Variants in BAD observed in about 807,000 individuals in gnomAD.
BAD encodes BCL2 associated agonist of cell death.
In BAD, 18 loss-of-function variants were observed where a neutral mutation model predicts 17.8. The ratio of observed to expected loss-of-function variants is 1.01; its 90% CI spans 0.70 to 1.50. BAD has a LOEUF of 1.50. Among genes scored for constraint, BAD ranks in the 40% most tolerant of loss-of-function variants. The probability of loss-of-function intolerance (pLI) is 0.00; values close to 1 mark genes in which losing one functional copy is unlikely to be tolerated. For synonymous variants in BAD, 112 were observed against 91.5 expected (o/e 1.22, Z -1.28); for missense variants, 294 against 239.3 (o/e 1.23, Z -1.51).
At chr11:64,275,257 G>A (rs979716829) in intron 2 of BAD, among the ~76,000 whole-genome samples, 6 of 152,016 alleles carry the variant, frequency 3.9e-5, no homozygotes, top group Non-Finnish European at 5.9e-5. Flanking sequence ...ACCTTGGGAG[G>A]CTGAAGGATT....
In BAD at chr11:64,284,172, G is replaced by A; in HGVS notation, c.187+10C>T. On this transcript the variant is annotated intron_variant, in intron 2 of 3. Transcript: ENST00000309032. ...GGTGTCCCGGCAGGTGGAGGTGGTG[G>A]GGTACTTACCTCCATGATGGCTGCT... 3 of 1,570,828 alleles carry A rather than the reference G, an allele frequency of 1.9e-6. No individual in the cohort carries two copies. The highest frequency in any genetic ancestry group is 2.6e-6 in the Non-Finnish European group (3 of 1,157,924).
chr11:64,277,186 T>G, intron 2 of BAD: 2 of 579,592 alleles, frequency 3.5e-6, no homozygotes, highest in East Asian at 3.0e-5. Flanking sequence ...GTTTGGATCC[T>G]GCCCCTACCA....
In BAD at chr11:64,270,216, G is replaced by A; in HGVS notation, c.500C>T (p.Ser167Phe). The change falls in exon 4 of 4, where the codon TCC (serine) becomes TTC (phenylalanine). Residue 167 changes from serine (S) to phenylalanine (F), a missense_variant. Physicochemically the swap from Ser to Phe is radical, Grantham distance 155 (BLOSUM62 -2). Transcript: ENST00000309032. ...CGGGATGTGGAGCGAAGGTCACTGG[G>A]AGGGGGCGGAGCTTCCCCTGCCCAA... is the stretch of plus-strand genomic sequence containing the variant. Reference protein sequence around the residue: ...RNLGRGSSAPSQ With the variant: ...RNLGRGSSAPFQ 1 of 1,613,584 alleles carries A rather than the reference G, an allele frequency of 6.2e-7. No homozygotes were observed. Among genetic ancestry groups the A allele is most frequent in the Non-Finnish European group, 8.5e-7 (1 of 1,179,666 alleles).
At chr11:64,270,507 G>A (rs1470634333) in intron 3 of BAD, 170 bp from the exon 4 acceptor site, 1 of 880,778 alleles carries the variant, frequency 1.1e-6, no homozygotes, top group Non-Finnish European at 1.7e-6. Context: ...AGGACGCATG[G>A]GCCCCCAGGA....
rs762709817 is a variant in BAD at position 64,270,218 on chromosome 11, G to T, written c.498C>A (p.Pro166=). Residue 166 remains proline, a synonymous_variant, in exon 4 of 4, where the codon CCC becomes CCA. Transcript: ENST00000309032. ...GGATGTGGAGCGAAGGTCACTGGGA[G>T]GGGGCGGAGCTTCCCCTGCCCAAGT... is the stretch of plus-strand genomic sequence containing the variant. ...DRNLGRGSSA[P]SQ 1 of 1,613,560 alleles carries T rather than the reference G, an allele frequency of 6.2e-7. No individual in the cohort carries two copies. Among genetic ancestry groups the T allele is most frequent in the South Asian group, 1.1e-5 (1 of 91,006 alleles).
At chr11:64,282,911 AAAAT>A (rs1186244125) in intron 2 of BAD, among the ~76,000 whole-genome samples, 1 of 151,910 alleles carries the variant, frequency 6.6e-6, no homozygotes, top group Non-Finnish European at 1.5e-5. Flanking sequence ...GAAAAAGTAA[AAAAT>A]AAATTAACTG....
At chr11:64,276,653 T>C in intron 2 of BAD, 1 of 459,158 alleles carries the variant, frequency 2.2e-6, no homozygotes, top group Non-Finnish European at 3.9e-6. Flanking sequence ...AAAAGTGTTC[T>C]ATTTACAGGG....
intron 2 of BAD, chr11:64,276,680 T>G: frequency 5.8e-6 from 3 of 517,660 alleles, no homozygotes; most frequent in African/African-American, 2.0e-5. Context: ...CCTGGGGGAG[T>G]GTCTGTGAAT....
chr11:64,270,194 G>A lies in BAD; in HGVS notation c.*15C>T. 3.7e-6 allele frequency: 6 copies of A among 1,613,978 alleles called. No individual in the cohort carries two copies. Among genetic ancestry groups the A allele is most frequent in the Non-Finnish European group, 5.1e-6 (6 of 1,179,962 alleles). ...GCAGTGGGAACGGGTGGAGTTTCGG[G>A]ATGTGGAGCGAAGGTCACTGGGAGG... On this transcript the variant is annotated 3_prime_UTR_variant, in exon 4 of 4. Transcript: ENST00000309032.
chr11:64,277,267 C>T (rs1438067017), intron 2 of BAD, among the ~76,000 whole-genome samples: 1 of 152,178 alleles, frequency 6.6e-6, no homozygotes, highest in African/African-American at 2.4e-5. Context: ...CCAGTGCTGC[C>T]ACCCCACCCT....
At chr11:64,279,538 G>A (rs371692328) in intron 2 of BAD, among the ~76,000 whole-genome samples, 2 of 151,984 alleles carry the variant, frequency 1.3e-5, no homozygotes, top group African/African-American at 4.8e-5. Flanking sequence ...AGGCTGAGGC[G>A]GGTGGATCAC....
In BAD at chr11:64,270,182, G is replaced by T. The variant is rs1397577940; in HGVS notation, c.*27C>A. 1.9e-6 allele frequency: 3 copies of T among 1,614,002 alleles called. No homozygotes were observed. Among genetic ancestry groups the T allele is most frequent in the Non-Finnish European group, 1.7e-6 (2 of 1,179,966 alleles). On this transcript the variant is annotated 3_prime_UTR_variant, in exon 4 of 4. Coordinates refer to ENST00000309032, the MANE Select transcript of BAD (RefSeq NM_032989.3). ...TGGCTGCCCAGGGCAGTGGGAACGG[G>T]TGGAGTTTCGGGATGTGGAGCGAAG...
At chr11:64,273,944 T>C (rs2032843345) in intron 2 of BAD, among the ~76,000 whole-genome samples, 1 of 150,504 alleles carries the variant, frequency 6.6e-6, no homozygotes, top group African/African-American at 2.4e-5. Context: ...GGAGGCTCTT[T>C]GGAGGAGGTA....
intron 3 of BAD, among the ~76,000 whole-genome samples, chr11:64,271,061 A>T (rs1413864814): frequency 9.0e-3 from 7 of 780 alleles, no homozygotes; most frequent in East Asian, 0.33. Flanking sequence ...CCTGTGACTG[A>T]CACACACACA....
In BAD at chr11:64,270,093, A is replaced by G; in HGVS notation, c.*116T>C. On this transcript the variant is annotated 3_prime_UTR_variant, in exon 4 of 4. Coordinates refer to ENST00000309032, the MANE Select transcript of BAD (RefSeq NM_032989.3). ...GAATCTGGGTCAGCCCTCCCTCCAA[A>G]GGAGACAGCACGGATCCTCTTTTTG... 1.3e-6 allele frequency: 2 copies of G among 1,523,478 alleles called. No homozygotes were observed. Among genetic ancestry groups the G allele is most frequent in the Non-Finnish European group, 1.8e-6 (2 of 1,116,246 alleles). The allele number at this position is 1,523,478 out of a possible 1,614,324, so 94.4% of individuals were successfully genotyped here.
chr11:64,284,654 T>G lies in BAD; in HGVS notation c.-32A>C. 1 of 1,533,778 alleles carries G rather than the reference T, an allele frequency of 6.5e-7. No homozygotes were observed. Among genetic ancestry groups the G allele is most frequent in the Non-Finnish European group, 8.7e-7 (1 of 1,145,748 alleles). On this transcript the variant is annotated 5_prime_UTR_variant, in exon 1 of 4. Transcript: ENST00000309032. ...ACCCCAAGCCCGATCTCGAGGCCCC[T>G]GACCCGGGCCTGCCGCCTCCCTCCA...
upstream of BAD, chr11:64,284,676 TC>T (rs930706458): frequency 7.8e-6 from 12 of 1,535,250 alleles, no homozygotes; most frequent in Admixed American, 2.0e-5. Flanking sequence ...GCCGCCTCCC[TC>T]CAGCACCCCG....
chr11:64,283,894 C>T (rs1419385512), intron 2 of BAD, among the ~76,000 whole-genome samples: 1 of 152,206 alleles, frequency 6.6e-6, no homozygotes, highest in Non-Finnish European at 1.5e-5. Context: ...CTTGGCCTCC[C>T]AAAGTGCTGA....
intron 2 of BAD, among the ~76,000 whole-genome samples, chr11:64,281,434 T>G (rs2033462904): frequency 6.6e-6 from 1 of 152,240 alleles, no homozygotes; most frequent in Non-Finnish European, 1.5e-5. Flanking sequence ...AATCTGACCA[T>G]GCTGCCTCTG....
Sources: allele counts gnomAD v4.1 joint callset (sites outside exome capture counted in the v4.1 genomes callset), GRCh38; gene constraint gnomAD v4.1.1; transcripts MANE v1.5; gene names NCBI Gene and HGNC (gene_info 2026-07-23, HGNC 2026-07-21).